The following AFM variants were observed in gnomAD, a reference collection of about 807,000 sequenced individuals.
AFM encodes alpha-Alb.
A neutral mutation model predicts 68.7 loss-of-function variants in AFM; 82 were observed. The observed-to-expected ratio is 1.19, with a 90% confidence interval of 1.00 to 1.43. The LOEUF (loss-of-function observed/expected upper bound fraction) is 1.43, where lower values mean the gene tolerates loss of function less well. Among genes scored for constraint, AFM ranks in the 40% most tolerant of loss-of-function variants. The pLI is 0.00. For synonymous variants in AFM, 250 were observed against 234.2 expected, an observed-to-expected ratio of 1.07 and a Z score of -0.61; for missense variants, 772 against 701.8, an observed-to-expected ratio of 1.10 and a Z score of -1.13.
At chr4:73,499,336 A>G (rs1391108145) in intron 11 of AFM, 90 bp downstream of exon 11, 8 of 1,227,660 alleles carry the variant, frequency 6.5e-6, no homozygotes, top group East Asian at 5.9e-5. Flanking sequence ...GATTATCCAT[A>G]TTCCTTTCTT....
intron 3 of AFM, among the ~76,000 whole-genome samples, chr4:73,485,257 CA>C (rs1167020080): frequency 6.6e-6 from 1 of 152,102 alleles, no homozygotes; most frequent in Admixed American, 6.5e-5. Flanking sequence ...ATTAACATAC[CA>C]GCATGTCATC....
rs1379820514 is a variant in AFM at position 73,492,074 on chromosome 4, C to T, written c.1046C>T (p.Thr349Ile). The stretch of plus-strand genomic sequence containing the variant: ...CAAGAACGAGATGCTGACCCAGACA[C>T]CTTCTTTGCGAAGTAATATAACTCT... ...VCQERDADPD[T>I]FFAKFTFEYS... The change falls in exon 8 of 15, where the codon ACC becomes ATC. Residue 349 changes from threonine (T) to isoleucine (I), a missense_variant. Physicochemically the swap from Thr to Ile is moderately conservative, Grantham distance 89. Coordinates refer to ENST00000226355, the MANE Select transcript of AFM (RefSeq NM_001133.2). 6.2e-7 allele frequency: 1 copy of T among 1,607,120 alleles called. No homozygotes were observed. The highest frequency in any genetic ancestry group is 8.5e-7 in the Non-Finnish European group (1 of 1,178,184).
intron 11 of AFM, 95 bp from the exon 12 acceptor site, chr4:73,499,909 A>G (rs1424670228): frequency 4.2e-5 from 43 of 1,014,150 alleles, no homozygotes; most frequent in Non-Finnish European, 4.8e-5. Flanking sequence ...GTTAACAGTG[A>G]TCTTAGAAAG....
chr4:73,485,739 T>C, intron 3 of AFM, 123 bp from the exon 4 acceptor site: 1 of 670,740 alleles, frequency 1.5e-6, no homozygotes, highest in South Asian at 2.1e-5. Flanking sequence ...AGGAGAGGAG[T>C]AGGAGAAAGA....
intron 7 of AFM, 152 bp from the exon 8 acceptor site, chr4:73,491,720 C>T: frequency 4.2e-6 from 3 of 715,906 alleles, no homozygotes; most frequent in South Asian, 1.7e-5. Flanking sequence ...TAAGTAAATC[C>T]AAAATTTAAT....
chr4:73,500,096 C>A lies in AFM; in HGVS notation c.1515C>A (p.Phe505Leu). ...ACTGCTGTAAAACAAACTTTGCCTTCAGAAGGCCCTGCTTTGAGAGTTTGA... is the reference window on the plus strand; with the variant it reads ...ACTGCTGTAAAACAAACTTTGCCTTAAGAAGGCCCTGCTTTGAGAGTTTGA... ...VDHCCKTNFA[F>L]RRPCFESLKA... The change falls in exon 12 of 15, where the codon TTC (phenylalanine) becomes TTA (leucine). Residue 505 changes from phenylalanine to leucine, a missense_variant. Coordinates refer to ENST00000226355, the MANE Select transcript of AFM (RefSeq NM_001133.2). The A allele has an allele frequency of 6.2e-7, 1 of 1,614,078 alleles. No homozygotes were observed. Among genetic ancestry groups the A allele is most frequent in the Non-Finnish European group, 8.5e-7 (1 of 1,179,972 alleles).
intron 7 of AFM, among the ~76,000 whole-genome samples, chr4:73,489,718 T>C (rs1721013792): frequency 6.6e-6 from 1 of 152,176 alleles, no homozygotes; most frequent in African/African-American, 2.4e-5. Flanking sequence ...ATTGTTGGCA[T>C]AGTTTGAATT....
In AFM at chr4:73,493,447, G is replaced by A. The variant is rs188552455; in HGVS notation, c.1058+1361G>A. 2.5e-4 allele frequency among the ~76,000 whole-genome samples: 38 copies of A among 152,198 alleles called. 1 individual carries two copies. Among genetic ancestry groups the A allele is most frequent in the Non-Finnish European group, 4.7e-4 (32 of 68,020 alleles). On this transcript the variant is annotated intron_variant, in intron 8 of 14. Coordinates refer to ENST00000226355, the MANE Select transcript of AFM (RefSeq NM_001133.2). ...GAGGTACCAGTAGAATAACTAATTG[G>A]AACTATCAGAAGAGAATTTTATATG...
Position 73,488,630 on chromosome 4 carries a change from A to C in AFM, c.714A>C (p.Ile238=). The C allele has an allele frequency of 6.2e-7, 1 of 1,605,990 alleles. No homozygotes were observed. The highest frequency in any genetic ancestry group is 8.5e-7 in the Non-Finnish European group (1 of 1,177,070). The part of the protein sequence containing the change: ...LKFGTKVVHF[I]YIAILSQKFP... ...TGTGGTTTATCAATTCTCTTTCCAG[A>C]TATATTGCGATACTCAGTCAAAAAT... The change falls in exon 7 of 15, where the codon ATA becomes ATC. Residue 238 remains isoleucine, a splice_region_variant and synonymous_variant. Coordinates refer to ENST00000226355, the MANE Select transcript of AFM (RefSeq NM_001133.2).
Position 73,501,860 on chromosome 4 carries a change from G to T in AFM, c.1720G>T (p.Ala574Ser), listed in dbSNP as rs566545619. ...GCTGCAGTCTTTGTTTACAAATTTC[G>T]CAAATGTAGTGGATAAGTGCTGCAA... ...EELQSLFTNF[A>S]NVVDKCCKAE... is the part of the protein sequence containing the mutation. Residue 574 changes from alanine to serine, a missense_variant, in exon 13 of 15, where the codon GCA (alanine) becomes TCA (serine). Physicochemically the swap from Ala to Ser is moderately conservative, Grantham distance 99. Transcript: ENST00000226355. 2 of 1,613,526 alleles carry T rather than the reference G, an allele frequency of 1.2e-6. No homozygotes were observed. Among genetic ancestry groups the T allele is most frequent in the Non-Finnish European group, 1.7e-6 (2 of 1,179,654 alleles).
chr4:73,496,020 A>G (rs1721242422), intron 9 of AFM, among the ~76,000 whole-genome samples: 1 of 152,200 alleles, frequency 6.6e-6, no homozygotes. Context: ...ATTTGGTATC[A>G]TAGAAAACTT....
chr4:73,486,063 CT>C lies in AFM; in HGVS notation c.476del (p.Leu159Ter). On this transcript the variant is annotated frameshift_variant, in exon 4 of 15. Coordinates refer to ENST00000226355, the MANE Select transcript of AFM (RefSeq NM_001133.2). LOFTEE classifies it high-confidence loss of function. ...GGCTTATGAAAGTAACAGAGAATCC[CT>C]TTTAAATCAGTAAGTTTAATCTTAG... ...CQAYESNRESLLNHFLYEVAR... is the reference protein window; with the variant it reads ...CQAYESNRESXLNHFLYEVAR... 1 of 1,613,058 alleles carries C rather than the reference CT, an allele frequency of 6.2e-7. No individual in the cohort carries two copies. The highest frequency in any genetic ancestry group is 1.3e-5 in the African/African-American group (1 of 74,980).
In AFM at chr4:73,484,371, C is replaced by T. The variant is rs780896937; in HGVS notation, c.251C>T (p.Pro84Leu). Reference protein sequence around the residue: ...KDRCMADKTLPECSKLPNNVL... With the variant: ...KDRCMADKTLLECSKLPNNVL... ...AGATGTATGGCTGACAAGACGCTCC[C>T]AGAGTGTTCAAAATTACCTGTAAGT... Residue 84 changes from proline to leucine, a missense_variant, in exon 3 of 15, where the codon CCA becomes CTA. By Grantham distance (98) the Pro-to-Leu change is moderately conservative (BLOSUM62 -3). Coordinates refer to ENST00000226355, the MANE Select transcript of AFM (RefSeq NM_001133.2). 1 of 1,593,788 alleles carries T rather than the reference C, an allele frequency of 6.3e-7. No homozygotes were observed. The highest frequency in any genetic ancestry group is 2.3e-5 in the East Asian group (1 of 43,548).
Position 73,501,899 on chromosome 4 carries a change from G to T in AFM, c.1759G>T (p.Glu587Ter), listed in dbSNP as rs748419687. The T allele has an allele frequency of 3.2e-5, 51 of 1,612,834 alleles. No homozygotes were observed. Among genetic ancestry groups the T allele is most frequent in the Non-Finnish European group, 4.1e-5 (48 of 1,179,468 alleles). ...VDKCCKAESPEVCFNEESPKI... is the reference protein window; with the variant it reads ...VDKCCKAESP ...TAAGTGCTGCAAAGCAGAGAGTCCT[G>T]AAGTCTGCTTTAATGAAGAGGTAGT... Residue 587 changes from glutamate to a stop codon, truncating the protein, a stop_gained, in exon 13 of 15, where the codon GAA (glutamate) becomes TAA (stop). Transcript: ENST00000226355. LOFTEE classifies it high-confidence loss of function.
At chr4:73,482,565 A>G (rs1720744333) in intron 1 of AFM, among the ~76,000 whole-genome samples, 1 of 152,222 alleles carries the variant, frequency 6.6e-6, no homozygotes, top group South Asian at 2.1e-4. Flanking sequence ...CAGCTAGTGA[A>G]GACTGGTCAT....
chr4:73,498,479 G>A (rs114871418), intron 10 of AFM, among the ~76,000 whole-genome samples: 48 of 152,170 alleles, frequency 3.2e-4, no homozygotes, highest in African/African-American at 1.1e-3. Context: ...TAGAGATGGC[G>A]TTTTGCCATG....
rs1721434615 is a variant in AFM at position 73,501,888 on chromosome 4, C to T, written c.1748C>T (p.Ala583Val). The change falls in exon 13 of 15, where the codon GCA (alanine) becomes GTA (valine). Residue 583 changes from alanine to valine, a missense_variant. Transcript: ENST00000226355. ...FANVVDKCCK[A>V]ESPEVCFNEE... ...AATGTAGTGGATAAGTGCTGCAAAGCAGAGAGTCCTGAAGTCTGCTTTAAT... is the reference window on the plus strand; with the variant it reads ...AATGTAGTGGATAAGTGCTGCAAAGTAGAGAGTCCTGAAGTCTGCTTTAAT... The T allele has an allele frequency of 1.2e-6, 2 of 1,613,366 alleles. No individual in the cohort carries two copies. The highest frequency in any genetic ancestry group is 1.7e-6 in the Non-Finnish European group (2 of 1,179,630).
At chr4:73,500,843 A>G (rs1171501807) in intron 12 of AFM, among the ~76,000 whole-genome samples, 1 of 152,180 alleles carries the variant, frequency 6.6e-6, no homozygotes, top group African/African-American at 2.4e-5. Flanking sequence ...TATTATGTGC[A>G]ATATTCATAG....
chr4:73,500,148 C>T lies in AFM; in HGVS notation c.1567C>T (p.Pro523Ser), dbSNP rs181452285. 8 of 1,613,960 alleles carry T rather than the reference C, an allele frequency of 5.0e-6. No individual in the cohort carries two copies. In the Admixed American group the frequency reaches 8.3e-5, roughly 17 times the overall value. The change falls in exon 12 of 15, where the codon CCT becomes TCT. Residue 523 changes from proline (P) to serine (S), a missense_variant. Coordinates refer to ENST00000226355, the MANE Select transcript of AFM (RefSeq NM_001133.2). ...LKADKTYVPP[P>S]FSQDLFTFHA... ...AGCTGATAAAACATATGTGCCTCCA[C>T]CTTTCTCTCAAGATTTATTTACCTT... is the stretch of plus-strand genomic sequence containing the variant.
Sources: allele counts gnomAD v4.1 joint callset (sites outside exome capture counted in the v4.1 genomes callset), GRCh38; gene constraint gnomAD v4.1.1; transcripts MANE v1.5; gene names NCBI Gene and HGNC (gene_info 2026-07-23, HGNC 2026-07-21).